The following BTBD9 variants were observed in gnomAD, a reference collection of about 807,000 sequenced individuals.
The protein encoded by BTBD9 is BTB/POZ domain-containing protein 9.
In BTBD9, 49 loss-of-function variants were observed where a neutral mutation model predicts 64.3. That is an observed-to-expected ratio of 0.76 (90% CI 0.61 to 0.97). BTBD9 has a LOEUF of 0.97. BTBD9 is among the 50% of genes least tolerant of loss of function. The pLI, the probability that BTBD9 is intolerant of heterozygous loss-of-function variation, is 0.00. For missense variants in BTBD9, 598 were observed against 762.1 expected, an observed-to-expected ratio of 0.78 and a Z score of 2.53; for synonymous variants, 260 against 274.7, an observed-to-expected ratio of 0.95 and a Z score of 0.53.
intron 8 of BTBD9, among the ~76,000 whole-genome samples, chr6:38,287,135 CACACACACAT>C (rs1761769236): frequency 1.4e-5 from 2 of 143,686 alleles, no homozygotes. Context: ...CACACACACA[CACACACACAT>C]ATAGCAGCCT....
At position 38,247,621 on chromosome 6, in the gene BTBD9, C is replaced by G. The variant is rs143004712; in HGVS notation, c.1562+8788G>C. On this transcript the variant is annotated intron_variant, in intron 9 of 10. Transcript: ENST00000481247. ...GGCCAGGGCCCTTGGAGAGGGCAAA[C>G]TCAGATGGGAATGAACTTTGGGTGT... 7.4e-3 allele frequency among the ~76,000 whole-genome samples: 1,125 copies of G among 152,308 alleles called. 12 individuals carry two copies. The highest frequency in any genetic ancestry group is 0.01 in the Non-Finnish European group (705 of 68,028).
chr6:38,219,131 T>C lies in BTBD9; in HGVS notation c.1563-26534A>G, dbSNP rs1763110011. On this transcript the variant is annotated intron_variant, in intron 9 of 10. Coordinates refer to ENST00000481247, the MANE Select transcript of BTBD9 (RefSeq NM_001099272.2). ...AGTCATTACTATCACTTTCTTTTCTTTTTTTTTTTTTTTTTTTTTTTTGAG... is the reference window on the plus strand; with the variant it reads ...AGTCATTACTATCACTTTCTTTTCTCTTTTTTTTTTTTTTTTTTTTTTGAG... 5.3e-4 allele frequency among the ~76,000 whole-genome samples: 4 copies of C among 7,572 alleles called. No individual in the cohort carries two copies. In the Admixed American group the frequency reaches 6.9e-3, roughly 13 times the overall value. 5.0% of individuals were successfully genotyped at this position (7,572 alleles called of 152,430 possible). A position where few individuals can be genotyped will look rare whatever the true frequency, so the allele number is the denominator to read the frequency against.
At chr6:38,592,093 G>A in intron 4 of BTBD9, among the ~76,000 whole-genome samples, 1 of 151,188 alleles carries the variant, frequency 6.6e-6, no homozygotes, top group Non-Finnish European at 1.5e-5. Flanking sequence ...TGAGGCAGGA[G>A]AACCGCTTGA....
chr6:38,250,140 A>G (rs1764342904), intron 9 of BTBD9, among the ~76,000 whole-genome samples: 1 of 152,208 alleles, frequency 6.6e-6, no homozygotes, highest in South Asian at 2.1e-4. Flanking sequence ...CAAGGTCAAT[A>G]TCTTAAGAAA....
At chr6:38,238,478 T>G (rs1310115460) in intron 9 of BTBD9, among the ~76,000 whole-genome samples, 12 of 138,444 alleles carry the variant, frequency 8.7e-5, no homozygotes, top group African/African-American at 2.6e-4. Context: ...AGGTTTTTTG[T>G]TTTTTTTTTT....
chr6:38,324,822 C>T (rs756336839), intron 7 of BTBD9, among the ~76,000 whole-genome samples: 13 of 152,156 alleles, frequency 8.5e-5, no homozygotes, highest in Non-Finnish European at 1.8e-4. Flanking sequence ...GAGAAACTAA[C>T]ACACAGGTGC....
At chr6:38,520,229 A>G (rs12529497) in intron 6 of BTBD9, among the ~76,000 whole-genome samples, 28,359 of 151,756 alleles carry the variant, frequency 0.19, 2,698 homozygotes, top group East Asian at 0.27. Context: ...TGAGGTGGGT[A>G]GATAACCTGA....
intron 6 of BTBD9, among the ~76,000 whole-genome samples, chr6:38,382,872 G>A (rs1458601841): frequency 6.6e-6 from 1 of 152,130 alleles, no homozygotes; most frequent in African/African-American, 2.4e-5. Context: ...TAGAAAACCA[G>A]TGTGGTGCTA....
intron 7 of BTBD9, among the ~76,000 whole-genome samples, chr6:38,289,996 A>G (rs1291588927): frequency 6.6e-6 from 1 of 152,132 alleles, no homozygotes; most frequent in African/African-American, 2.4e-5. Flanking sequence ...TACATCAGAT[A>G]AATTAAAATA....
At chr6:38,429,011 A>G (rs1353622479) in intron 6 of BTBD9, among the ~76,000 whole-genome samples, 1 of 150,224 alleles carries the variant, frequency 6.7e-6, no homozygotes. Flanking sequence ...GCCCGGCCCC[A>G]GAATGATTTT....
chr6:38,218,198 A>C (rs1398379299), intron 9 of BTBD9, among the ~76,000 whole-genome samples: 1 of 152,224 alleles, frequency 6.6e-6, no homozygotes, highest in African/African-American at 2.4e-5. Context: ...CCCAGGGGCA[A>C]CAAATGTTTT....
At chr6:38,604,319 TAAAGA>T (rs931443471) in intron 1 of BTBD9, among the ~76,000 whole-genome samples, 5 of 150,314 alleles carry the variant, frequency 3.3e-5, no homozygotes, top group Non-Finnish European at 7.4e-5. Context: ...GTTTGACCAC[TAAAGA>T]ATAGTATCAT....
chr6:38,426,561 G>A (rs751680792), intron 6 of BTBD9, among the ~76,000 whole-genome samples: 1 of 151,822 alleles, frequency 6.6e-6, no homozygotes, highest in Non-Finnish European at 1.5e-5. Flanking sequence ...CAGACCCACC[G>A]CTGACTTCCA....
rs757334550 is a variant in BTBD9, at chr6:38,594,206, T to C, written c.307A>G (p.Thr103Ala). ...KYIYTGRATLTDEKEEVLLDF... is the reference protein window; with the variant it reads ...KYIYTGRATLADEKEEVLLDF... ...AGCAGCACCTCCTCCTTCTCATCTGTCAGCGTTGCCCGCCCAGTGTAGATA... is the reference window on the plus strand; with the variant it reads ...AGCAGCACCTCCTCCTTCTCATCTGCCAGCGTTGCCCGCCCAGTGTAGATA... Residue 103 changes from threonine to alanine, a missense_variant, in exon 3 of 11, where the codon ACA becomes GCA. Coordinates refer to ENST00000481247, the MANE Select transcript of BTBD9 (RefSeq NM_001099272.2). The C allele has an allele frequency of 3.1e-6, 5 of 1,614,216 alleles. No homozygotes were observed. The highest frequency in any genetic ancestry group is 2.2e-5 in the South Asian group (2 of 91,084).
At chr6:38,378,441 A>G (rs1427489510) in intron 6 of BTBD9, among the ~76,000 whole-genome samples, 1 of 150,178 alleles carries the variant, frequency 6.7e-6, no homozygotes, top group Non-Finnish European at 1.5e-5. Context: ...ACGGGGTTTC[A>G]CCATGTTGGC....
intron 9 of BTBD9, among the ~76,000 whole-genome samples, chr6:38,202,407 GA>G (rs897919624): frequency 4.8e-5 from 7 of 145,948 alleles, no homozygotes; most frequent in South Asian, 2.2e-4. Context: ...TACAGAAACA[GA>G]AAAAAAAAAT....
chr6:38,234,983 C>T (rs529235965), intron 9 of BTBD9, among the ~76,000 whole-genome samples: 2 of 152,332 alleles, frequency 1.3e-5, no homozygotes, highest in East Asian at 1.9e-4. Flanking sequence ...TACATGCACC[C>T]CTTATTCCAG....
chr6:38,241,310 A>G (rs1763985098), intron 9 of BTBD9, among the ~76,000 whole-genome samples: 1 of 152,172 alleles, frequency 6.6e-6, no homozygotes, highest in Admixed American at 6.5e-5. Context: ...GGCTCTGAGA[A>G]CCGCAGATGA....
rs70981542 is a variant in BTBD9, at chr6:38,351,507, G to GTTTT, written c.1155-6418_1155-6415dup. Among the ~76,000 whole-genome samples, 248 of 102,662 alleles carry GTTTT rather than the reference G, an allele frequency of 2.4e-3. 1 individual carries two copies. Among genetic ancestry groups the GTTTT allele is most frequent in the African/African-American group, 4.6e-3 (122 of 26,476 alleles). The allele number at this position is 102,662 out of a possible 152,430, so 67.4% of individuals were successfully genotyped here. A position where few individuals can be genotyped will look rare whatever the true frequency, so the allele number is the denominator to read the frequency against. ...TAAAGACAAATATTTAATTGTTGTT[G>GTTTT]TTTTTTTTTTTTTTTTTTTTGAGAT... On this transcript the variant is annotated intron_variant, in intron 6 of 10. Coordinates refer to ENST00000481247, the MANE Select transcript of BTBD9 (RefSeq NM_001099272.2).
Sources: gnomAD v4.1 joint callset for allele counts (sites outside exome capture counted in the v4.1 genomes callset) on GRCh38, gnomAD v4.1.1 for gene constraint, MANE v1.5 for transcripts, NCBI Gene and HGNC (gene_info 2026-07-23, HGNC 2026-07-21) for gene names.